TECPR2: variants seen among roughly 807,000 people sequenced by gnomAD.
TECPR2 encodes the protein tectonin beta-propeller repeat containing 2, also known as tectonin beta-propeller repeat-containing protein 2.
A neutral mutation model predicts 138.1 loss-of-function variants in TECPR2; 65 were observed. That is an observed-to-expected ratio of 0.47 (90% confidence interval 0.39 to 0.58). The LOEUF (loss-of-function observed/expected upper bound fraction) is 0.58, where lower values mean the gene tolerates loss of function less well. Ranked by LOEUF, TECPR2 falls within the 20% of genes least tolerant of loss-of-function variation. TECPR2 has a pLI of 0.00. For synonymous variants in TECPR2, 746 were observed against 749.8 expected, an observed-to-expected ratio of 0.99 and a Z score of 0.08; for missense variants, 1,553 against 1,824.5, an observed-to-expected ratio of 0.85 and a Z score of 2.71.
intron 2 of TECPR2, among the ~76,000 whole-genome samples, chr14:102,392,862 A>G (rs1358290632): frequency 6.6e-6 from 1 of 152,220 alleles, no homozygotes; most frequent in African/African-American, 2.4e-5. Context: ...GAAAGAGAAT[A>G]AATTCAAACT....
At chr14:102,451,583 AG>A (rs1426768899) in intron 15 of TECPR2, among the ~76,000 whole-genome samples, 1 of 152,114 alleles carries the variant, frequency 6.6e-6, no homozygotes, top group African/African-American at 2.4e-5. Context: ...TCCATGTTGC[AG>A]GGATGTTACC....
chr14:102,436,307 C>CTTCTTTCT lies in TECPR2; in HGVS notation c.2394+1103_2394+1110dup, dbSNP rs753434597. 4.3e-3 allele frequency among the ~76,000 whole-genome samples: 642 copies of CTTCTTTCT among 149,056 alleles called. 5 individuals carry two copies. The highest frequency in any genetic ancestry group is 0.015 in the African/African-American group (599 of 40,260). ...AACGCCATAAGTCTGGCTTTTTTTTCTTCTTTCTTTCTTTTTTTTTTTTTT... is the reference window on the plus strand; with the variant it reads ...AACGCCATAAGTCTGGCTTTTTTTTCTTCTTTCTTTCTTTCTTTCTTTTTTTTTTTTTT... On this transcript the variant is annotated intron_variant, in intron 9 of 19. Transcript: ENST00000359520.
At chr14:102,363,225 C>T (rs1467705749) in intron 1 of TECPR2, 109 bp downstream of exon 1, 4 of 230,260 alleles carry the variant, frequency 1.7e-5, no homozygotes, top group Non-Finnish European at 2.5e-5. Context: ...GCCTCAGCCC[C>T]GCAGGGTCTC....
At chr14:102,404,579 AT>A (rs11410430) in intron 2 of TECPR2, among the ~76,000 whole-genome samples, 124 of 145,776 alleles carry the variant, frequency 8.5e-4, no homozygotes, top group Admixed American at 1.1e-3. Flanking sequence ...GTCAAGTGAA[AT>A]TTTTTTTTTT....
intron 2 of TECPR2, among the ~76,000 whole-genome samples, chr14:102,381,774 T>C (rs1887827760): frequency 6.6e-6 from 1 of 152,228 alleles, no homozygotes; most frequent in South Asian, 2.1e-4. Context: ...GAATGAAGAA[T>C]GGTAAATACC....
At chr14:102,482,842 T>C (rs1322049884) in intron 17 of TECPR2, among the ~76,000 whole-genome samples, 3 of 116,650 alleles carry the variant, frequency 2.6e-5, no homozygotes, top group African/African-American at 1.2e-4. Context: ...GCCTTTCTTT[T>C]TTTTTTTTTT....
rs1891421913 is a variant in TECPR2, at chr14:102,500,882, A to G, written c.*2625A>G. The G allele has an allele frequency of 6.6e-6, 1 of 152,304 alleles. No homozygotes were observed. The highest frequency in any genetic ancestry group is 2.4e-5 in the African/African-American group (1 of 41,474). The allele number at this position is 152,304 out of a possible 1,614,324, so 9.4% of individuals were successfully genotyped here. A position where few individuals can be genotyped will look rare whatever the true frequency, so the allele number is the denominator to read the frequency against. On this transcript the variant is annotated 3_prime_UTR_variant, in exon 20 of 20. Transcript: ENST00000359520. ...TTCTCACCAGAGCCCTGCAAGGGGAAGTCTCATTAGCCCCTTGAGACTCAG... is the reference window on the plus strand; with the variant it reads ...TTCTCACCAGAGCCCTGCAAGGGGAGGTCTCATTAGCCCCTTGAGACTCAG...
At chr14:102,440,315 G>A (rs1247684420) in intron 10 of TECPR2, 121 bp from the exon 11 acceptor site, 3 of 1,349,750 alleles carry the variant, frequency 2.2e-6, no homozygotes, top group Admixed American at 4.4e-5. Flanking sequence ...TCCCCACTTG[G>A]GGGGACAGAA....
rs766931031 is a variant in TECPR2 at position 102,498,169 on chromosome 14, C to T, written c.4148C>T (p.Thr1383Met). ...PGYLLQRLTK[T>M]FSHSHGTQKS... ...TACCTCCTCCAACGGCTGACAAAGA[C>T]GTTCAGCCACTCGCACGGCACCCAG... is the stretch of plus-strand genomic sequence containing the variant. The change falls in exon 20 of 20, where the codon ACG becomes ATG. Residue 1383 changes from threonine to methionine, a missense_variant. Transcript: ENST00000359520. 29 of 1,612,606 alleles carry T rather than the reference C, an allele frequency of 1.8e-5. 1 individual carries two copies. Among genetic ancestry groups the T allele is most frequent in the Middle Eastern group, 1.7e-4 (1 of 6,052 alleles).
rs1567327482 is a variant in TECPR2, at chr14:102,407,336, AG to A, written c.222del. On this transcript the variant is annotated splice_acceptor_variant, in intron 2 of 19. Coordinates refer to ENST00000359520, the MANE Select transcript of TECPR2 (RefSeq NM_014844.5). LOFTEE classifies it high-confidence loss of function. ...ATTCATTTGTTTTCAACGTTTCCCC[AG>A]GGGAAGACGGAATCTATCACTGTGG... The A allele has an allele frequency of 1.3e-6, 2 of 1,595,058 alleles. No homozygotes were observed. The highest frequency in any genetic ancestry group is 1.7e-6 in the Non-Finnish European group (2 of 1,172,736).
At chr14:102,369,638 C>CCCAGTT (rs1887440764) in intron 1 of TECPR2, among the ~76,000 whole-genome samples, 1 of 152,026 alleles carries the variant, frequency 6.6e-6, no homozygotes, top group Non-Finnish European at 1.5e-5. Flanking sequence ...GTTGCCCAGG[C>CCCAGTT]TGATGTCAAA....
At position 102,449,746 on chromosome 14, in the gene TECPR2, C is replaced by T; in HGVS notation, c.3193C>T (p.Leu1065=). The T allele has an allele frequency of 1.9e-6, 3 of 1,614,204 alleles. No individual in the cohort carries two copies. Among genetic ancestry groups the T allele is most frequent in the Non-Finnish European group, 2.5e-6 (3 of 1,180,042 alleles). ...CCCCGTAGAAAAGGTGGCAGATAAG[C>T]TGCGCATGGCGTTTTGGTCCCAGCA... ...QAPVEKVADK[L]RMAFWSQQLQ... The change falls in exon 14 of 20, where the codon CTG becomes TTG. Residue 1065 remains leucine (L), a synonymous_variant. Coordinates refer to ENST00000359520, the MANE Select transcript of TECPR2 (RefSeq NM_014844.5).
intron 1 of TECPR2, among the ~76,000 whole-genome samples, chr14:102,370,923 G>A (rs1387486724): frequency 6.6e-6 from 1 of 152,166 alleles, no homozygotes; most frequent in Non-Finnish European, 1.5e-5. Flanking sequence ...TTCTGGCTTG[G>A]TCAGCATGGC....
rs1891396699 is a variant in TECPR2, at chr14:102,499,856, G to A, written c.*1599G>A. ...TGACAGGACCCAGCCAGCCACATAG[G>A]TGGAGGTTTTCCATGTCCAAATGAG... On this transcript the variant is annotated 3_prime_UTR_variant, in exon 20 of 20. Transcript: ENST00000359520. The A allele has an allele frequency of 1.3e-5, 2 of 153,416 alleles. No individual in the cohort carries two copies. Among genetic ancestry groups the A allele is most frequent in the Admixed American group, 1.3e-4 (2 of 15,404 alleles). 9.5% of individuals were successfully genotyped at this position (153,416 alleles called of 1,614,324 possible).
intron 2 of TECPR2, among the ~76,000 whole-genome samples, chr14:102,402,360 A>T (rs1313420467): frequency 6.6e-6 from 1 of 152,200 alleles, no homozygotes; most frequent in Non-Finnish European, 1.5e-5. Flanking sequence ...TGACAATGAA[A>T]ACACACATAC....
chr14:102,379,713 A>G (rs548651827), intron 2 of TECPR2, among the ~76,000 whole-genome samples: 1 of 133,964 alleles, frequency 7.5e-6, no homozygotes, highest in Admixed American at 7.3e-5. Context: ...CCATCTTAAA[A>G]TCCATGCACA....
rs17717666 is a variant in TECPR2 at position 102,415,740 on chromosome 14, G to A, written c.638+947G>A. 0.038 allele frequency among the ~76,000 whole-genome samples: 5,724 copies of A among 152,248 alleles called. 121 individuals carry two copies. Among genetic ancestry groups the A allele is most frequent in the Middle Eastern group, 0.092 (27 of 294 alleles). On this transcript the variant is annotated intron_variant, in intron 5 of 19. Coordinates refer to ENST00000359520, the MANE Select transcript of TECPR2 (RefSeq NM_014844.5). The surrounding 1 kb of genome is among the most constrained non-coding windows in gnomAD (Gnocchi z 4.3). The stretch of plus-strand genomic sequence containing the variant: ...GCCGATGGGAGCTGGAAGAGTTCCC[G>A]TCTTGTGTCTCCCAGGAAAGGGCAC...
intron 10 of TECPR2, 68 bp downstream of exon 10, chr14:102,438,273 G>T (rs1275373012): frequency 3.9e-6 from 6 of 1,533,206 alleles, no homozygotes; most frequent in African/African-American, 1.4e-5. Context: ...CGCCCCCGGG[G>T]TGCAGACATC....
intron 16 of TECPR2, among the ~76,000 whole-genome samples, chr14:102,458,070 C>T (rs1890317125): frequency 6.6e-6 from 1 of 151,954 alleles, no homozygotes; most frequent in African/African-American, 2.4e-5. Flanking sequence ...GACGGTGTTT[C>T]ACTGTGTTGG....
Sources: gnomAD v4.1 joint callset for allele counts (sites outside exome capture counted in the v4.1 genomes callset) on GRCh38, gnomAD v4.1.1 for gene constraint, Gnocchi (gnomAD v3.1) non-coding constraint, MANE v1.5 for transcripts, NCBI Gene and HGNC (gene_info 2026-07-23, HGNC 2026-07-21) for gene names.